Variants in ADAMTS6 observed in about 807,000 individuals in gnomAD.
The protein encoded by ADAMTS6 is ADAM metallopeptidase with thrombospondin type 1 motif 6.
In ADAMTS6, 23 loss-of-function variants were observed where a neutral mutation model predicts 144.3. That is an observed-to-expected ratio of 0.16 (90% CI 0.11 to 0.23). The LOEUF is 0.23. Ranked by LOEUF, ADAMTS6 falls within the 10% of genes least tolerant of loss-of-function variation. The pLI, the probability that ADAMTS6 is intolerant of heterozygous loss-of-function variation, is 1.00. For synonymous variants in ADAMTS6, 444 were observed against 457.5 expected (o/e 0.97, Z 0.38); for missense variants, 999 against 1,379.6 (o/e 0.72, Z 4.37).
chr5:65,243,496 T>A (rs1382924293), intron 14 of ADAMTS6, among the ~76,000 whole-genome samples: 1 of 152,130 alleles, frequency 6.6e-6, no homozygotes, highest in Non-Finnish European at 1.5e-5. Context: ...GCCCTGCATT[T>A]TAAAATGTTT....
At chr5:65,456,068 CAA>C (rs1052984453) in intron 4 of ADAMTS6, among the ~76,000 whole-genome samples, 2 of 151,060 alleles carry the variant, frequency 1.3e-5, no homozygotes, top group African/African-American at 2.4e-5. Context: ...TGAATAAAAT[CAA>C]GAGAGAGAAC....
At chr5:65,438,573 G>A (rs540721366) in intron 7 of ADAMTS6, among the ~76,000 whole-genome samples, 11 of 152,012 alleles carry the variant, frequency 7.2e-5, no homozygotes, top group East Asian at 5.8e-4. Flanking sequence ...TTCCTACATC[G>A]TACCTATATA....
Position 65,375,173 on chromosome 5 carries a change from G to C in ADAMTS6, c.1074-41088C>G, listed in dbSNP as rs556294187. ...ATAAAAACCCTAGAAGAAAACCTAG[G>C]CTTTACCATTCAGGACATAGGCATG... On this transcript the variant is annotated intron_variant, in intron 7 of 24. Coordinates refer to ENST00000381055, the MANE Select transcript of ADAMTS6 (RefSeq NM_197941.4). 2.0e-5 allele frequency among the ~76,000 whole-genome samples: 3 copies of C among 152,260 alleles called. No individual in the cohort carries two copies. The East Asian group carries it at 5.8e-4, about 29-fold the overall frequency.
intron 7 of ADAMTS6, among the ~76,000 whole-genome samples, chr5:65,418,080 C>T (rs189079801): frequency 1.3e-5 from 2 of 151,982 alleles, no homozygotes; most frequent in Non-Finnish European, 2.9e-5. Flanking sequence ...CCTACAACCA[C>T]CTGATCGTCA....
At chr5:65,342,590 G>A (rs1003970608) in intron 7 of ADAMTS6, among the ~76,000 whole-genome samples, 5 of 152,068 alleles carry the variant, frequency 3.3e-5, no homozygotes, top group Non-Finnish European at 7.4e-5. Flanking sequence ...CAAACCCACA[G>A]CCAAAATCAT....
chr5:65,249,764 G>T (rs1294613183), intron 14 of ADAMTS6, among the ~76,000 whole-genome samples: 3 of 152,142 alleles, frequency 2.0e-5, no homozygotes. Context: ...ACACATATTT[G>T]TTTTCTAATT....
chr5:65,218,058 A>G (rs1757058363), intron 18 of ADAMTS6, among the ~76,000 whole-genome samples: 1 of 152,196 alleles, frequency 6.6e-6, no homozygotes, highest in Non-Finnish European at 1.5e-5. Flanking sequence ...GAAACTGGGA[A>G]GGCTGACATA....
chr5:65,225,177 T>C, intron 16 of ADAMTS6, 130 bp from the exon 17 acceptor site: 1 of 1,071,496 alleles, frequency 9.3e-7, no homozygotes, highest in Non-Finnish European at 1.3e-6. Context: ...AATCCGTGAA[T>C]AAAAACCATA....
chr5:65,224,420 C>G lies in ADAMTS6; in HGVS notation c.2192-20G>C. The G allele has an allele frequency of 6.2e-7, 1 of 1,601,796 alleles. No homozygotes were observed. On this transcript the variant is annotated intron_variant, in intron 17 of 24. Transcript: ENST00000381055. ...TGTAGCCTGGAACACAGAAGATAGC[C>G]AGTATTAAGCAGCCTTGGTCAGGAA...
intron 7 of ADAMTS6, among the ~76,000 whole-genome samples, chr5:65,411,023 G>T (rs985695907): frequency 2.6e-5 from 4 of 152,044 alleles, no homozygotes. Context: ...ATTTTTTGTA[G>T]AAACGGGTCT....
chr5:65,158,926 ATTTAT>A (rs1197637859), intron 24 of ADAMTS6, among the ~76,000 whole-genome samples: 8 of 151,802 alleles, frequency 5.3e-5, no homozygotes, highest in African/African-American at 1.9e-4. Context: ...ATCTCTCTCA[ATTTAT>A]TTTATTTTTT....
chr5:65,237,367 G>A (rs1211298743), intron 15 of ADAMTS6, among the ~76,000 whole-genome samples: 1 of 136,938 alleles, frequency 7.3e-6, no homozygotes, highest in East Asian at 2.1e-4. Context: ...CAGCCTGGGC[G>A]ACAGAGGGAG....
At chr5:65,207,070 C>T (rs1399404407) in intron 20 of ADAMTS6, among the ~76,000 whole-genome samples, 1 of 152,096 alleles carries the variant, frequency 6.6e-6, no homozygotes, top group African/African-American at 2.4e-5. Context: ...AAAATAAAAT[C>T]TGTGCTCTTT....
intron 7 of ADAMTS6, among the ~76,000 whole-genome samples, chr5:65,411,211 G>T (rs925567259): frequency 6.6e-6 from 1 of 151,980 alleles, no homozygotes; most frequent in Non-Finnish European, 1.5e-5. Flanking sequence ...TTATCCATCG[G>T]TCAACAGTGA....
chr5:65,269,189 T>C lies in ADAMTS6; in HGVS notation c.1620+4151A>G, dbSNP rs187187902. ...ACAATGAAAAGTATTGATGATACTC[T>C]AGTAATATGTTAGCACTTTCCCTCT... is the stretch of plus-strand genomic sequence containing the variant. On this transcript the variant is annotated intron_variant, in intron 12 of 24. Transcript: ENST00000381055. 2.0e-4 allele frequency among the ~76,000 whole-genome samples: 30 copies of C among 152,388 alleles called. 1 individual carries two copies. In the East Asian group the frequency reaches 3.1e-3, roughly 16 times the overall value.
chr5:65,378,316 C>T (rs997087048), intron 7 of ADAMTS6, among the ~76,000 whole-genome samples: 5 of 152,104 alleles, frequency 3.3e-5, no homozygotes, highest in African/African-American at 1.2e-4. Flanking sequence ...TAATCTTTAA[C>T]TTATCCTTCT....
intron 22 of ADAMTS6, among the ~76,000 whole-genome samples, chr5:65,179,089 G>A (rs1579974802): frequency 6.6e-6 from 1 of 152,310 alleles, no homozygotes; most frequent in East Asian, 1.9e-4. Flanking sequence ...GTCCACGCAT[G>A]GCCGAAGCAT....
chr5:65,416,948 T>A lies in ADAMTS6; in HGVS notation c.1073+34527A>T, dbSNP rs145015016. Among the ~76,000 whole-genome samples the A allele has an allele frequency of 3.5e-3, 529 of 151,828 alleles. 1 individual carries two copies. The highest frequency in any genetic ancestry group is 0.012 in the African/African-American group (513 of 41,456). Reference sequence around the variant, plus strand: ...AAAAAAAGAAAACTACAGACCAATATCCCTGATTAACACAGGAGCAAAAAT... The same window carrying A: ...AAAAAAAGAAAACTACAGACCAATAACCCTGATTAACACAGGAGCAAAAAT... On this transcript the variant is annotated intron_variant, in intron 7 of 24. Coordinates refer to ENST00000381055, the MANE Select transcript of ADAMTS6 (RefSeq NM_197941.4).
rs191588112 is a variant in ADAMTS6 at position 65,336,172 on chromosome 5, A to G, written c.1074-2087T>C. Among the ~76,000 whole-genome samples, 12 of 152,240 alleles carry G rather than the reference A, an allele frequency of 7.9e-5. No individual in the cohort carries two copies. The East Asian group carries it at 2.3e-3, about 29-fold the overall frequency. Reference sequence around the variant, plus strand: ...GAGTATATATACAGATTGAGTTTATATATAGATATAAATCTGGAAGGATAA... The same window carrying G: ...GAGTATATATACAGATTGAGTTTATGTATAGATATAAATCTGGAAGGATAA... On this transcript the variant is annotated intron_variant, in intron 7 of 24. Coordinates refer to ENST00000381055, the MANE Select transcript of ADAMTS6 (RefSeq NM_197941.4).
Sources: gnomAD v4.1 joint callset for allele counts (sites outside exome capture counted in the v4.1 genomes callset) on GRCh38, gnomAD v4.1.1 for gene constraint, MANE v1.5 for transcripts, NCBI Gene and HGNC (gene_info 2026-07-23, HGNC 2026-07-21) for gene names.